The following ZNF536 variants were observed in gnomAD, a reference collection of about 807,000 sequenced individuals.
The protein encoded by ZNF536 is zinc finger protein 536.
Under a neutral mutation model 84.5 loss-of-function variants are expected in ZNF536, and 13 were observed. The observed-to-expected ratio is 0.15, with a 90% CI of 0.10 to 0.24. The LOEUF (loss-of-function observed/expected upper bound fraction) is 0.24. ZNF536 is among the 10% of genes least tolerant of loss of function. The pLI, the probability that ZNF536 is intolerant of heterozygous loss-of-function variation, is 1.00. For missense variants in ZNF536, 1,536 were observed against 1,747.5 expected (o/e 0.88, Z 2.16); for synonymous variants, 811 against 742.5 (o/e 1.09, Z -1.50).
intron 3 of ZNF536, among the ~76,000 whole-genome samples, chr19:30,535,593 G>T (rs533000493): frequency 1.4e-4 from 22 of 152,210 alleles, no homozygotes; most frequent in Non-Finnish European, 2.5e-4. Context: ...AGTGGCTGCT[G>T]CACCCCTCTG....
chr19:30,695,013 C>G (rs748719775), intron 1 of ZNF536, among the ~76,000 whole-genome samples: 3 of 152,220 alleles, frequency 2.0e-5, no homozygotes, highest in Non-Finnish European at 4.4e-5. Context: ...CCGTTCAACA[C>G]TCTCCACCAA....
At chr19:30,454,283 G>A (rs2052739034) in intron 2 of ZNF536, among the ~76,000 whole-genome samples, 3 of 152,178 alleles carry the variant, frequency 2.0e-5, no homozygotes, top group Non-Finnish European at 4.4e-5. Flanking sequence ...TTTGATGCAC[G>A]ATGAAACAGG....
chr19:30,331,061 C>T (rs115137869), intron 2 of ZNF536, among the ~76,000 whole-genome samples: 42 of 151,854 alleles, frequency 2.8e-4, no homozygotes, highest in African/African-American at 1.0e-3. Context: ...GCAGGAGGAT[C>T]GCTTGAGGCC....
intron 2 of ZNF536, among the ~76,000 whole-genome samples, chr19:30,351,721 G>T (rs1478323586): frequency 6.6e-6 from 1 of 152,206 alleles, no homozygotes; most frequent in East Asian, 1.9e-4. Context: ...GACACAGATG[G>T]ACTGGTGATA....
chr19:30,298,919 T>C (rs2046091620), intron 2 of ZNF536, among the ~76,000 whole-genome samples: 2 of 152,246 alleles, frequency 1.3e-5, no homozygotes, highest in African/African-American at 4.8e-5. Flanking sequence ...TGGCCCTATA[T>C]GACTTCTAAG....
chr19:30,571,491 A>C (rs1436015747), intron 1 of ZNF536, among the ~76,000 whole-genome samples: 3 of 152,212 alleles, frequency 2.0e-5, no homozygotes, highest in African/African-American at 7.2e-5. Flanking sequence ...ACAAAGATGT[A>C]AAAGGCAACC....
intron 1 of ZNF536, among the ~76,000 whole-genome samples, chr19:30,241,377 G>T (rs1224897294): frequency 6.6e-6 from 1 of 152,188 alleles, no homozygotes; most frequent in Non-Finnish European, 1.5e-5. Context: ...ATGGTGACAT[G>T]TGTTATGGAG....
At chr19:30,549,830 G>A (rs993743425) in intron 4 of ZNF536, among the ~76,000 whole-genome samples, 26 of 152,076 alleles carry the variant, frequency 1.7e-4, no homozygotes, top group African/African-American at 6.3e-4. Context: ...GGGGAAAATC[G>A]ACTTACAAAA....
At chr19:30,243,567 G>T (rs1423233382) in intron 1 of ZNF536, among the ~76,000 whole-genome samples, 1 of 152,132 alleles carries the variant, frequency 6.6e-6, no homozygotes, top group African/African-American at 2.4e-5. Context: ...ATAATAAATA[G>T]CAAGTAATGT....
At chr19:30,671,217 A>G (rs2050540321) in intron 1 of ZNF536, among the ~76,000 whole-genome samples, 2 of 152,250 alleles carry the variant, frequency 1.3e-5, no homozygotes, top group Admixed American at 6.5e-5. Context: ...CAAATCATCA[A>G]TGACCCATGT....
intron 2 of ZNF536, among the ~76,000 whole-genome samples, chr19:30,326,800 T>TTTTTG (rs2047045782): frequency 2.4e-5 from 3 of 123,456 alleles, no homozygotes; most frequent in Admixed American, 8.2e-5. Flanking sequence ...GCTTTTTTTT[T>TTTTTG]TTTTTTTTTT....
chr19:30,450,510 G>A (rs986683017), intron 2 of ZNF536, among the ~76,000 whole-genome samples: 9 of 152,326 alleles, frequency 5.9e-5, no homozygotes, highest in Non-Finnish European at 1.3e-4. Context: ...CCCTGGGCAT[G>A]GTGGCAGCTA....
chr19:30,535,425 G>A (rs927607178), intron 3 of ZNF536, among the ~76,000 whole-genome samples: 1 of 152,172 alleles, frequency 6.6e-6, no homozygotes, highest in Non-Finnish European at 1.5e-5. Flanking sequence ...CAAGCATCCA[G>A]GTAGAATAGG....
chr19:30,382,640 T>C (rs1409634877), intron 1 of ZNF536, among the ~76,000 whole-genome samples: 2 of 152,000 alleles, frequency 1.3e-5, no homozygotes, highest in Non-Finnish European at 2.9e-5. Flanking sequence ...GTCCCACTTG[T>C]AAGTTACTAA....
At chr19:30,378,862 T>C (rs1358590769) in intron 1 of ZNF536, among the ~76,000 whole-genome samples, 7 of 152,304 alleles carry the variant, frequency 4.6e-5, no homozygotes, top group East Asian at 1.9e-4. Context: ...TTTGACCCCC[T>C]GAGGGCCTCC....
intron 2 of ZNF536, among the ~76,000 whole-genome samples, chr19:30,301,224 G>A (rs569493638): frequency 1.3e-5 from 2 of 152,306 alleles, no homozygotes; most frequent in South Asian, 2.1e-4. Flanking sequence ...ATAGAGCAGG[G>A]AAACCGGCGA....
intron 3 of ZNF536, among the ~76,000 whole-genome samples, chr19:30,356,107 T>C (rs189807640): frequency 6.6e-6 from 1 of 152,288 alleles, no homozygotes; most frequent in African/African-American, 2.4e-5. Context: ...CATCAGACAA[T>C]GATTTCATGT....
chr19:30,468,748 C>T (rs1409663220), intron 2 of ZNF536, among the ~76,000 whole-genome samples: 2 of 152,044 alleles, frequency 1.3e-5, no homozygotes, highest in Admixed American at 6.5e-5. Context: ...AGTAGAGCAG[C>T]GCTTGGGAGG....
At chr19:30,277,957 G>T (rs540335902) in intron 1 of ZNF536, among the ~76,000 whole-genome samples, 1 of 152,280 alleles carries the variant, frequency 6.6e-6, no homozygotes, top group South Asian at 2.1e-4. Context: ...CCTTGTGGGC[G>T]GTGCTGTCTT....
Sources: gnomAD v4.1 joint callset for allele counts (sites outside exome capture counted in the v4.1 genomes callset) on GRCh38, gnomAD v4.1.1 for gene constraint, MANE v1.5 for transcripts, NCBI Gene and HGNC (gene_info 2026-07-23, HGNC 2026-07-21) for gene names.